TMBIM4: variants seen among roughly 807,000 people sequenced by gnomAD.
TMBIM4 encodes protein lifeguard 4.
Under a neutral mutation model 27.7 loss-of-function variants are expected in TMBIM4, and 28 were observed. The observed-to-expected ratio is 1.01, with a 90% CI of 0.75 to 1.38. The LOEUF (loss-of-function observed/expected upper bound fraction) is 1.38, where lower values mean the gene tolerates loss of function less well. Among genes scored for constraint, TMBIM4 ranks in the 40% most tolerant of loss-of-function variants. TMBIM4 has a pLI of 0.00. For missense variants in TMBIM4, 265 were observed against 277.5 expected, an observed-to-expected ratio of 0.95 and a Z score of 0.32; for synonymous variants, 115 against 113.1, an observed-to-expected ratio of 1.02 and a Z score of -0.11.
At chr12:66,142,005 G>C (rs2051676490) in intron 5 of TMBIM4, among the ~76,000 whole-genome samples, 1 of 152,046 alleles carries the variant, frequency 6.6e-6, no homozygotes, top group South Asian at 2.1e-4. Flanking sequence ...TCATCCGACA[G>C]CAGCAGCAAA....
chr12:66,139,206 T>C (rs532922011), intron 5 of TMBIM4, among the ~76,000 whole-genome samples: 1 of 152,346 alleles, frequency 6.6e-6, no homozygotes, highest in South Asian at 2.1e-4. Context: ...TTCCATTTTA[T>C]TCTTATGTAT....
chr12:66,148,464 G>C (rs748985900), intron 3 of TMBIM4, among the ~76,000 whole-genome samples: 1 of 152,138 alleles, frequency 6.6e-6, no homozygotes, highest in Admixed American at 6.5e-5. Context: ...CTCTAGGTCT[G>C]ACTACGTAAC....
At chr12:66,140,591 A>G (rs2051652925) in intron 5 of TMBIM4, among the ~76,000 whole-genome samples, 2 of 152,204 alleles carry the variant, frequency 1.3e-5, no homozygotes, top group Admixed American at 1.3e-4. Flanking sequence ...ATGTTTGAAG[A>G]AATAATGGCC....
chr12:66,136,460 G>C lies in TMBIM4; in HGVS notation c.*1500C>G, dbSNP rs1180401639. On this transcript the variant is annotated 3_prime_UTR_variant, in exon 7 of 7. Coordinates refer to ENST00000358230, the MANE Select transcript of TMBIM4 (RefSeq NM_016056.4). ...AACTTAATAGCTGGGAAATACTTAGGGGGTGTTATGGGCTGAGTTGTAGTC... is the reference window on the plus strand; with the variant it reads ...AACTTAATAGCTGGGAAATACTTAGCGGGTGTTATGGGCTGAGTTGTAGTC... The C allele has an allele frequency of 3.9e-5, 6 of 154,260 alleles. No homozygotes were observed. Among genetic ancestry groups the C allele is most frequent in the Admixed American group, 1.3e-4 (2 of 15,278 alleles). 9.6% of individuals were successfully genotyped at this position (154,260 alleles called of 1,614,324 possible). A position where few individuals can be genotyped will look rare whatever the true frequency, so the allele number is the denominator to read the frequency against.
intron 1 of TMBIM4, among the ~76,000 whole-genome samples, chr12:66,162,784 A>T (rs2052064281): frequency 6.6e-6 from 1 of 152,196 alleles, no homozygotes; most frequent in African/African-American, 2.4e-5. Context: ...TTCCCAAACA[A>T]AATGTTTAAT....
intron 1 of TMBIM4, among the ~76,000 whole-genome samples, chr12:66,163,374 G>A (rs1384999040): frequency 1.3e-5 from 2 of 152,064 alleles, no homozygotes; most frequent in African/African-American, 4.8e-5. Flanking sequence ...CTACTATAAA[G>A]AACTCCCCGA....
intron 1 of TMBIM4, among the ~76,000 whole-genome samples, chr12:66,159,632 C>T (rs1259854025): frequency 6.6e-6 from 1 of 152,216 alleles, no homozygotes; most frequent in Non-Finnish European, 1.5e-5. Flanking sequence ...GACAGCTAAT[C>T]TGCCTGGCTA....
In TMBIM4 at chr12:66,152,290, AGGTTAAGG is replaced by A. The variant is rs1365376303; in HGVS notation, c.285_292del (p.Leu96ValfsTer22). The A allele has an allele frequency of 6.3e-7, 1 of 1,593,504 alleles. No individual in the cohort carries two copies. Among genetic ancestry groups the A allele is most frequent in the South Asian group, 1.2e-5 (1 of 86,750 alleles). On this transcript the variant is annotated frameshift_variant, in exon 3 of 7. Transcript: ENST00000358230. LOFTEE classifies it high-confidence loss of function. ...ACTCACAAATCCAAAAAGTAGGTAC[AGGTTAAGG>A]GGATACTTATGTCTGTTTAAAATCA...
chr12:66,168,614 T>C (rs145144340), intron 1 of TMBIM4: 1 of 152,438 alleles, frequency 6.6e-6, no homozygotes, highest in African/African-American at 2.4e-5. Context: ...GTTCAAACCA[T>C]GTTCAAACGG....
chr12:66,156,093 T>G (rs1278715485), intron 1 of TMBIM4, among the ~76,000 whole-genome samples: 2 of 152,196 alleles, frequency 1.3e-5, no homozygotes, highest in African/African-American at 4.8e-5. Context: ...AAAGCAGTAT[T>G]GACACCCATT....
intron 1 of TMBIM4, among the ~76,000 whole-genome samples, chr12:66,159,770 AG>A (rs1361563868): frequency 6.6e-6 from 1 of 152,114 alleles, no homozygotes; most frequent in Non-Finnish European, 1.5e-5. Flanking sequence ...TCAGCGCTAG[AG>A]GGTTATTTAT....
At chr12:66,141,075 G>A (rs1592533711) in intron 5 of TMBIM4, among the ~76,000 whole-genome samples, 1 of 151,758 alleles carries the variant, frequency 6.6e-6, no homozygotes, top group African/African-American at 2.4e-5. Flanking sequence ...GTTTTTTTCA[G>A]ACACAAAAGA....
At position 66,165,890 on chromosome 12, in the gene TMBIM4, G is replaced by A. The variant is rs183265096; in HGVS notation, c.97+3965C>T. Among the ~76,000 whole-genome samples the A allele has an allele frequency of 9.8e-3, 1,489 of 152,146 alleles. 15 individuals carry two copies. The highest frequency in any genetic ancestry group is 0.016 in the Non-Finnish European group (1,116 of 67,978). Reference sequence around the variant, plus strand: ...ATTTTATGGGCCTTTTCACTCTGTTGAATGTGTTCTTTGATACACAGAAGT... The same window carrying A: ...ATTTTATGGGCCTTTTCACTCTGTTAAATGTGTTCTTTGATACACAGAAGT... On this transcript the variant is annotated intron_variant, in intron 1 of 6. Transcript: ENST00000358230.
intron 3 of TMBIM4, among the ~76,000 whole-genome samples, chr12:66,149,399 C>T (rs985739080): frequency 2.1e-5 from 3 of 141,566 alleles, no homozygotes; most frequent in Non-Finnish European, 3.0e-5. Context: ...GAGCCAAGTT[C>T]GTGCCACTGC....
chr12:66,156,432 G>A (rs1016419067), intron 1 of TMBIM4, among the ~76,000 whole-genome samples: 5 of 152,122 alleles, frequency 3.3e-5, no homozygotes, highest in South Asian at 2.1e-4. Flanking sequence ...AAAGTACAAC[G>A]TATCTGCCTC....
chr12:66,159,159 ATGGAC>A (rs2051994691), intron 1 of TMBIM4, among the ~76,000 whole-genome samples: 1 of 152,188 alleles, frequency 6.6e-6, no homozygotes, highest in African/African-American at 2.4e-5. Context: ...CCCCTTGAGT[ATGGAC>A]TGGACTTAGT....
chr12:66,147,829 C>A, intron 4 of TMBIM4, 79 bp downstream of exon 4: 1 of 1,146,490 alleles, frequency 8.7e-7, no homozygotes. Context: ...TAAACTTTAG[C>A]CCCAAATACC....
chr12:66,145,347 T>G (rs1227459760), intron 5 of TMBIM4: 1 of 152,276 alleles, frequency 6.6e-6, no homozygotes, highest in Non-Finnish European at 1.5e-5. Context: ...GTGAGGGCAA[T>G]GCTGTACCAT....
chr12:66,153,669 TA>T (rs917400394), intron 1 of TMBIM4, among the ~76,000 whole-genome samples: 1 of 151,736 alleles, frequency 6.6e-6, no homozygotes, highest in African/African-American at 2.4e-5. Flanking sequence ...AGCATGAGCC[TA>T]AAAAAAATTA....
Sources: allele counts gnomAD v4.1 joint callset (sites outside exome capture counted in the v4.1 genomes callset), GRCh38; gene constraint gnomAD v4.1.1; transcripts MANE v1.5; gene names NCBI Gene and HGNC (gene_info 2026-07-23, HGNC 2026-07-21).